The following FLNC variants were observed in gnomAD, a reference collection of about 807,000 sequenced individuals.
FLNC encodes filamin C.
In FLNC, 91 loss-of-function variants were observed where a neutral mutation model predicts 254.3. The ratio of observed to expected loss-of-function variants is 0.36; its 90% CI spans 0.30 to 0.43. FLNC has a LOEUF of 0.43. Ranked by LOEUF, FLNC falls within the 20% of genes least tolerant of loss-of-function variation. FLNC has a pLI of 1.00. For synonymous variants in FLNC, 1,430 were observed against 1,577.2 expected (o/e 0.91, Z 2.21); for missense variants, 2,853 against 3,802.6 (o/e 0.75, Z 6.57).
In FLNC at chr7:128,853,753, A is replaced by G. The variant is rs761143223; in HGVS notation, c.6400A>G (p.Met2134Val). The G allele has an allele frequency of 3.3e-5, 54 of 1,613,744 alleles. No homozygotes were observed. The highest frequency in any genetic ancestry group is 1.9e-5 in the Non-Finnish European group (22 of 1,180,048). The part of the protein sequence containing the change: ...FTVKVTGEGR[M>V]KESITRRRQA... ...TGTGAAGGTGACCGGCGAGGGCCGC[A>G]TGAAGGAGAGCATCACCCGGCGGAG... The change falls in exon 39 of 48, where the codon ATG becomes GTG. Residue 2134 changes from methionine (M) to valine (V), a missense_variant. Physicochemically the swap from Met to Val is conservative, Grantham distance 21. This residue lies in a region of FLNC where 551 missense variants were observed against 835.0 expected (regional missense o/e 0.66). Transcript: ENST00000325888.
chr7:128,844,390 C>A, intron 20 of FLNC, 124 bp downstream of exon 20: 1 of 1,246,388 alleles, frequency 8.0e-7, no homozygotes, highest in Non-Finnish European at 1.1e-6. Flanking sequence ...GGGTGTGGGG[C>A]TGAGGCCAGC....
In FLNC at chr7:128,840,607, T is replaced by G. The variant is rs760471547; in HGVS notation, c.1609T>G (p.Tyr537Asp). The G allele has an allele frequency of 6.2e-6, 10 of 1,614,148 alleles. No homozygotes were observed. Among genetic ancestry groups the G allele is most frequent in the Non-Finnish European group, 7.6e-6 (9 of 1,180,018 alleles). Reference sequence around the variant, plus strand: ...TGGGGATGGTGTGTTCGAGTGCGAGTACTACCCGGTGGTGCCTGGGAAGTA... The same window carrying G: ...TGGGGATGGTGTGTTCGAGTGCGAGGACTACCCGGTGGTGCCTGGGAAGTA... Reference protein sequence around the residue: ...EAGDGVFECEYYPVVPGKYVV... With the variant: ...EAGDGVFECEDYPVVPGKYVV... Residue 537 changes from tyrosine to aspartate, a missense_variant, in exon 10 of 48, where the codon TAC (tyrosine) becomes GAC (aspartate). Physicochemically the swap from Tyr to Asp is radical, Grantham distance 160 (BLOSUM62 -3). Around this residue, in one of 10 missense-constraint regions of FLNC, gnomAD observed 1,573 missense variants for 1,883.5 expected, o/e 0.84. Coordinates refer to ENST00000325888, the MANE Select transcript of FLNC (RefSeq NM_001458.5).
intron 16 of FLNC, 26 bp from the exon 17 acceptor site, chr7:128,843,203 C>A: frequency 6.4e-7 from 1 of 1,565,046 alleles, no homozygotes; most frequent in Non-Finnish European, 8.7e-7. Context: ...CCTCGAGAGC[C>A]CTGACTGAGC....
intron 16 of FLNC, 71 bp from the exon 17 acceptor site, chr7:128,843,158 G>T: frequency 6.8e-7 from 1 of 1,477,494 alleles, no homozygotes; most frequent in Non-Finnish European, 9.3e-7. Flanking sequence ...GGTGTGTCCT[G>T]AGCCAGCATC....
At chr7:128,850,301 C>G (rs1322437039) in intron 31 of FLNC, 83 bp from the exon 32 acceptor site, 1 of 1,204,800 alleles carries the variant, frequency 8.3e-7, no homozygotes, top group Non-Finnish European at 1.2e-6. Context: ...TTGTTCTTTC[C>G]TCACTCTCCA....
Position 128,857,407 on chromosome 7 carries a change from G to C in FLNC, c.7780+71G>C. The stretch of plus-strand genomic sequence containing the variant: ...CAGCCTGGAGGGCTCCGGTGGCCAC[G>C]CACATCTAGGCCATAGTCTGCCCCC... On this transcript the variant is annotated intron_variant, in intron 46 of 47. Transcript: ENST00000325888. The surrounding 1 kb of genome is among the most constrained non-coding windows in gnomAD (Gnocchi z 4.5). 1.1e-6 allele frequency: 1 copy of C among 922,942 alleles called. No individual in the cohort carries two copies. Among genetic ancestry groups the C allele is most frequent in the Non-Finnish European group, 1.7e-6 (1 of 574,718 alleles). 57.2% of individuals were successfully genotyped at this position (922,942 alleles called of 1,614,324 possible).
chr7:128,854,933 T>A, intron 42 of FLNC, 21 bp downstream of exon 42: 1 of 1,613,114 alleles, frequency 6.2e-7, no homozygotes, highest in Non-Finnish European at 8.5e-7. Flanking sequence ...ACACTGGCAG[T>A]GGGGCTGGGC....
In FLNC at chr7:128,850,904, C is replaced by T. The variant is rs377141822; in HGVS notation, c.5500C>T (p.His1834Tyr). ...VRYAPTEKGL[H>Y]QMGIKYDGNH... is the part of the protein sequence containing the mutation. ...GTATGCACCCACTGAGAAAGGCCTG[C>T]ACCAGATGGGGATCAAGTATGACGG... The change falls in exon 33 of 48, where the codon CAC (histidine) becomes TAC (tyrosine). Residue 1834 changes from histidine to tyrosine, a missense_variant. His to Tyr is a moderately conservative substitution (Grantham distance 83). This residue lies in a region of FLNC where 258 missense variants were observed against 312.3 expected (regional missense o/e 0.83). Transcript: ENST00000325888. 104 of 1,613,450 alleles carry T rather than the reference C, an allele frequency of 6.4e-5. No individual in the cohort carries two copies. The highest frequency in any genetic ancestry group is 8.4e-5 in the Non-Finnish European group (99 of 1,179,968).
In FLNC at chr7:128,844,889, G is replaced by C. The variant is rs1194830182; in HGVS notation, c.3424G>C (p.Gly1142Arg). Residue 1142 changes from glycine (G) to arginine (R), a missense_variant, in exon 21 of 48, where the codon GGC becomes CGC. By Grantham distance (125) the Gly-to-Arg change is moderately radical. This residue lies in a region of FLNC where 1,573 missense variants were observed against 1,883.5 expected (regional missense o/e 0.84). Coordinates refer to ENST00000325888, the MANE Select transcript of FLNC (RefSeq NM_001458.5). The stretch of plus-strand genomic sequence containing the variant: ...CCTGTTTGCTGAGGCCCACATCCCT[G>C]GCTCGCCCTTCAAAGCCACCATTCG... ...NILFAEAHIP[G>R]SPFKATIRPV... 1 of 1,613,998 alleles carries C rather than the reference G, an allele frequency of 6.2e-7. No individual in the cohort carries two copies. Among genetic ancestry groups the C allele is most frequent in the East Asian group, 2.2e-5 (1 of 44,880 alleles).
In FLNC at chr7:128,840,923, C is replaced by T. The variant is rs780098760; in HGVS notation, c.1766C>T (p.Ser589Leu). 44 of 1,610,368 alleles carry T rather than the reference C, an allele frequency of 2.7e-5. No homozygotes were observed. The East Asian group carries it at 9.8e-4, about 36-fold the overall frequency. ...PGLETGQVGKSADFVVEAIGT... is the reference protein window; with the variant it reads ...PGLETGQVGKLADFVVEAIGT... ...TTGGAGACTGGCCAGGTGGGCAAGT[C>T]AGCCGATTTTGTGGTGGAAGCCATT... The change falls in exon 11 of 48, where the codon TCA (serine) becomes TTA (leucine). Residue 589 changes from serine to leucine, a missense_variant. This residue lies in a region of FLNC where 1,573 missense variants were observed against 1,883.5 expected (regional missense o/e 0.84). Transcript: ENST00000325888.
rs781059433 is a variant in FLNC at position 128,838,585 on chromosome 7, A to C, written c.1211-18A>C. On this transcript the variant is annotated intron_variant, in intron 7 of 47. Transcript: ENST00000325888. ...TGTGTGTGTCCAGAGTGGTGCTGACAGCCTCTGTTTTCGGCAGGGGCCGGC... is the reference window on the plus strand; with the variant it reads ...TGTGTGTGTCCAGAGTGGTGCTGACCGCCTCTGTTTTCGGCAGGGGCCGGC... 225 of 1,612,440 alleles carry C rather than the reference A, an allele frequency of 1.4e-4. No individual in the cohort carries two copies. The highest frequency in any genetic ancestry group is 1.8e-4 in the Non-Finnish European group (218 of 1,179,924).
rs773579752 is a variant in FLNC, at chr7:128,837,429, A to G, written c.731A>G (p.Asn244Ser). ...GCCCCTGAGGAGATTGTGGACCCCAACGTGGATGAGCATTCTGTTATGACC... is the reference window on the plus strand; with the variant it reads ...GCCCCTGAGGAGATTGTGGACCCCAGCGTGGATGAGCATTCTGTTATGACC... ...VIAPEEIVDP[N>S]VDEHSVMTYL... Residue 244 changes from asparagine (N) to serine (S), a missense_variant, in exon 4 of 48, where the codon AAC becomes AGC. By Grantham distance (46) the Asn-to-Ser change is conservative. Coordinates refer to ENST00000325888, the MANE Select transcript of FLNC (RefSeq NM_001458.5). 18 of 1,613,994 alleles carry G rather than the reference A, an allele frequency of 1.1e-5. No homozygotes were observed. The highest frequency in any genetic ancestry group is 1.7e-5 in the Admixed American group (1 of 60,010).
chr7:128,846,698 C>G, intron 23 of FLNC, 47 bp from the exon 24 acceptor site: 1 of 1,591,426 alleles, frequency 6.3e-7, no homozygotes, highest in Non-Finnish European at 8.6e-7. Context: ...CTCCCTCATC[C>G]TCACTCACTG....
At chr7:128,837,597 G>C in intron 4 of FLNC, 40 bp from the exon 5 acceptor site, 1 of 1,613,576 alleles carries the variant, frequency 6.2e-7, no homozygotes, top group Non-Finnish European at 8.5e-7. Context: ...GCACATGTAG[G>C]CTCTCCCTGA....
intron 23 of FLNC, 123 bp from the exon 24 acceptor site, chr7:128,846,622 C>A: frequency 1.5e-6 from 2 of 1,335,666 alleles, no homozygotes; most frequent in Non-Finnish European, 2.1e-6. Context: ...GCCCCTGTAG[C>A]TCGTTTCTCC....
In FLNC at chr7:128,845,053, C is replaced by T. The variant is rs376078628; in HGVS notation, c.3588C>T (p.Ala1196=). The T allele has an allele frequency of 2.2e-5, 36 of 1,613,700 alleles. No homozygotes were observed. The highest frequency in any genetic ancestry group is 1.5e-4 in the Admixed American group (9 of 59,976). ...TGACCATTGAGATCCTGTCGGATGC[C>T]GGGGTCAAGGCCGAGGTGCTGATCC... The part of the protein sequence containing the change: ...AELTIEILSD[A]GVKAEVLIHN... Residue 1196 remains alanine, a synonymous_variant, in exon 21 of 48, where the codon GCC becomes GCT. Transcript: ENST00000325888.
chr7:128,853,720 C>A lies in FLNC; in HGVS notation c.6367C>A (p.Pro2123Thr). 1 of 1,613,906 alleles carries A rather than the reference C, an allele frequency of 6.2e-7. No individual in the cohort carries two copies. The highest frequency in any genetic ancestry group is 8.5e-7 in the Non-Finnish European group (1 of 1,180,054). The change falls in exon 39 of 48, where the codon CCC (proline) becomes ACC (threonine). Residue 2123 changes from proline (P) to threonine (T), a missense_variant. By Grantham distance (38) the Pro-to-Thr change is conservative. Coordinates refer to ENST00000325888, the MANE Select transcript of FLNC (RefSeq NM_001458.5). The stretch of plus-strand genomic sequence containing the variant: ...ACCCTTTGTCCCCACTTCAGGAAGC[C>A]CCTTCACTGTGAAGGTGACCGGCGA... ...KFADKHVPGS[P>T]FTVKVTGEGR...
At position 128,844,940 on chromosome 7, in the gene FLNC, C is replaced by T. The variant is rs760500171; in HGVS notation, c.3475C>T (p.Arg1159Trp). The change falls in exon 21 of 48, where the codon CGG (arginine) becomes TGG (tryptophan). Residue 1159 changes from arginine to tryptophan, a missense_variant. Around this residue, in one of 10 missense-constraint regions of FLNC, gnomAD observed 1,573 missense variants for 1,883.5 expected, o/e 0.84. Coordinates refer to ENST00000325888, the MANE Select transcript of FLNC (RefSeq NM_001458.5). ...IRPVFDPSKVRASGPGLERGK... is the reference protein window; with the variant it reads ...IRPVFDPSKVWASGPGLERGK... ...GCCTGTGTTTGACCCGAGCAAGGTGCGGGCCAGTGGACCGGGCCTGGAGCG... is the reference window on the plus strand; with the variant it reads ...GCCTGTGTTTGACCCGAGCAAGGTGTGGGCCAGTGGACCGGGCCTGGAGCG... 62 of 1,613,870 alleles carry T rather than the reference C, an allele frequency of 3.8e-5. No homozygotes were observed. The highest frequency in any genetic ancestry group is 4.8e-5 in the Non-Finnish European group (57 of 1,180,038).
chr7:128,853,407 G>C (rs1344332696), intron 37 of FLNC, 62 bp from the exon 38 acceptor site: 2 of 1,601,668 alleles, frequency 1.2e-6, no homozygotes, highest in East Asian at 4.5e-5. Flanking sequence ...TCTGGGGAGA[G>C]GAAAGCATTG....
Sources: gnomAD v4.1 joint callset for allele counts on GRCh38, gnomAD v4.1.1 for gene constraint, gnomAD v4.1.1 regional missense constraint, Gnocchi (gnomAD v3.1) non-coding constraint, MANE v1.5 for transcripts, NCBI Gene and HGNC (gene_info 2026-07-23, HGNC 2026-07-21) for gene names.